Variants in CATSPERE observed in about 807,000 individuals in gnomAD.
The protein encoded by CATSPERE is catsper channel auxiliary subunit epsilon, also known as cation channel sperm-associated auxiliary subunit epsilon.
Under a neutral mutation model 114.1 loss-of-function variants are expected in CATSPERE, and 93 were observed. That is an observed-to-expected ratio of 0.81 (90% CI 0.69 to 0.97). The LOEUF (loss-of-function observed/expected upper bound fraction) is 0.97. CATSPERE is among the 50% of genes least tolerant of loss of function. CATSPERE has a pLI of 0.00. For synonymous variants in CATSPERE, 341 were observed against 384.1 expected (o/e 0.89, Z 1.31); for missense variants, 1,058 against 1,131.6 (o/e 0.93, Z 0.93).
upstream of CATSPERE, among the ~76,000 whole-genome samples, chr1:244,459,769 A>G (rs959763710): frequency 6.6e-6 from 1 of 152,224 alleles, no homozygotes; most frequent in African/African-American, 2.4e-5. Context: ...TATTTACCTT[A>G]TAGCAGGCTG....
At chr1:244,578,841 T>TATATATATATAC (rs1260605917) in intron 11 of CATSPERE, among the ~76,000 whole-genome samples, 10 of 146,632 alleles carry the variant, frequency 6.8e-5, no homozygotes, top group African/African-American at 1.7e-4. Context: ...TATATATATA[T>TATATATATATAC]ATACACACAC....
chr1:244,584,632 T>A (rs1316887763), intron 13 of CATSPERE, among the ~76,000 whole-genome samples: 1 of 152,090 alleles, frequency 6.6e-6, no homozygotes, highest in Non-Finnish European at 1.5e-5. Context: ...TCTCTATTAC[T>A]TCTCAGCCTA....
intron 4 of CATSPERE, among the ~76,000 whole-genome samples, chr1:244,478,756 G>A (rs939012283): frequency 2.6e-5 from 4 of 152,050 alleles, no homozygotes; most frequent in East Asian, 1.9e-4. Flanking sequence ...AATTCATGCC[G>A]GGCGCGGTGG....
At chr1:244,499,181 C>A in intron 7 of CATSPERE, 102 bp downstream of exon 7, 1 of 764,424 alleles carries the variant, frequency 1.3e-6, no homozygotes, top group African/African-American at 1.8e-5. Flanking sequence ...TTTTAAGCTG[C>A]CCACACCTAA....
intron 20 of CATSPERE, 100 bp downstream of exon 20, chr1:244,617,786 G>C: frequency 9.6e-7 from 1 of 1,043,246 alleles, no homozygotes; most frequent in Non-Finnish European, 1.3e-6. Flanking sequence ...TGTTATTCTT[G>C]TTATTTACAT....
At chr1:244,611,796 C>T (rs1376691956) in intron 19 of CATSPERE, among the ~76,000 whole-genome samples, 3 of 151,972 alleles carry the variant, frequency 2.0e-5, no homozygotes, top group African/African-American at 4.8e-5. Flanking sequence ...AAGATTCTGC[C>T]GAAATAACAT....
At chr1:244,472,897 GCTT>G (rs147512007) in intron 2 of CATSPERE, among the ~76,000 whole-genome samples, 12,200 of 152,104 alleles carry the variant, frequency 0.08, 679 homozygotes, top group East Asian at 0.21. Context: ...TTTCAGATTG[GCTT>G]CTTTCACTTA....
intron 8 of CATSPERE, among the ~76,000 whole-genome samples, chr1:244,535,928 G>C (rs1250628177): frequency 1.3e-5 from 2 of 151,980 alleles, no homozygotes; most frequent in African/African-American, 4.8e-5. Context: ...GCCATGGTGT[G>C]TACTGCTTAG....
intron 1 of CATSPERE, among the ~76,000 whole-genome samples, chr1:244,456,207 G>A (rs1369098879): frequency 6.6e-6 from 1 of 151,544 alleles, no homozygotes; most frequent in Non-Finnish European, 1.5e-5. Flanking sequence ...GTCTTCTCTC[G>A]AAGTATTTCC....
At chr1:244,509,844 G>T (rs1285880854) in intron 7 of CATSPERE, among the ~76,000 whole-genome samples, 1 of 151,838 alleles carries the variant, frequency 6.6e-6, no homozygotes, top group Non-Finnish European at 1.5e-5. Context: ...TTTCCTTTAG[G>T]TTTCACAATT....
chr1:244,531,083 A>T lies in CATSPERE; in HGVS notation c.536+12385A>T, dbSNP rs188805865. ...TCTCTACTAAAAATAAAAAAAATTT[A>T]AAAAAAGCCGGGTGTGGTGGCATGT... On this transcript the variant is annotated intron_variant, in intron 8 of 21. Coordinates refer to ENST00000366534, the MANE Select transcript of CATSPERE (RefSeq NM_001130957.2). 4.0e-4 allele frequency among the ~76,000 whole-genome samples: 60 copies of T among 150,704 alleles called. 1 individual carries two copies. The highest frequency in any genetic ancestry group is 1.4e-3 in the Admixed American group (22 of 15,176).
chr1:244,512,284 GTTCAGAAATTC>G (rs1163037764), intron 7 of CATSPERE, among the ~76,000 whole-genome samples: 1 of 152,134 alleles, frequency 6.6e-6, no homozygotes, highest in Admixed American at 6.5e-5. Flanking sequence ...CTGTCTTCGA[GTTCAGAAATTC>G]TTTCTTCTGC....
chr1:244,459,052 A>G (rs890346502), upstream of CATSPERE, among the ~76,000 whole-genome samples: 5 of 150,496 alleles, frequency 3.3e-5, no homozygotes, highest in African/African-American at 4.9e-5. Context: ...TCAAATACCA[A>G]CTCATAGGTA....
intron 20 of CATSPERE, among the ~76,000 whole-genome samples, chr1:244,621,103 T>TA (rs1558609398): frequency 2.5e-4 from 6 of 24,198 alleles, no homozygotes; most frequent in African/African-American, 5.6e-4. Context: ...AAAATATATA[T>TA]AAATATATAT....
At chr1:244,572,233 C>T (rs926613723) in intron 10 of CATSPERE, 97 bp from the exon 11 acceptor site, 18 of 664,336 alleles carry the variant, frequency 2.7e-5, no homozygotes, top group Non-Finnish European at 4.4e-5. Flanking sequence ...AATACTCGGT[C>T]ATTATCAAAG....
chr1:244,469,610 G>T (rs537381154), intron 2 of CATSPERE, among the ~76,000 whole-genome samples: 1 of 152,270 alleles, frequency 6.6e-6, no homozygotes, highest in South Asian at 2.1e-4. Flanking sequence ...CAGACGACAT[G>T]ATCCTTTATA....
At chr1:244,478,023 T>A (rs766836074) in intron 4 of CATSPERE, 48 bp downstream of exon 4, 81 of 1,331,788 alleles carry the variant, frequency 6.1e-5, no homozygotes, top group Non-Finnish European at 8.3e-5. Flanking sequence ...AATCATCCTG[T>A]TATCCTGTTA....
At chr1:244,630,470 T>C (rs556047041) in intron 20 of CATSPERE, among the ~76,000 whole-genome samples, 2 of 151,778 alleles carry the variant, frequency 1.3e-5, no homozygotes, top group East Asian at 3.9e-4. Flanking sequence ...ATGCTGGGGG[T>C]GGTATGGATT....
intron 20 of CATSPERE, among the ~76,000 whole-genome samples, chr1:244,618,838 C>T (rs568648962): frequency 2.6e-5 from 4 of 151,620 alleles, no homozygotes; most frequent in South Asian, 4.2e-4. Context: ...AGAAGAGTGA[C>T]GTTAACAAGG....
Sources: gnomAD v4.1 joint callset for allele counts (sites outside exome capture counted in the v4.1 genomes callset) on GRCh38, gnomAD v4.1.1 for gene constraint, MANE v1.5 for transcripts, NCBI Gene and HGNC (gene_info 2026-07-23, HGNC 2026-07-21) for gene names.